C1orf52: variants seen among roughly 807,000 people sequenced by gnomAD.
The protein encoded by C1orf52 is UPF0690 protein C1orf52.
In C1orf52, 5 loss-of-function variants were observed where a neutral mutation model predicts 17.2. That is an observed-to-expected ratio of 0.29 (90% CI 0.15 to 0.61). The LOEUF (loss-of-function observed/expected upper bound fraction) is 0.61. Among genes scored for constraint, C1orf52 ranks in the 20% least tolerant of loss-of-function variants. C1orf52 has a pLI of 0.85. For missense variants in C1orf52, 245 were observed against 234.1 expected, an observed-to-expected ratio of 1.05 and a Z score of -0.30; for synonymous variants, 110 against 88.0, an observed-to-expected ratio of 1.25 and a Z score of -1.40.
intron 2 of C1orf52, among the ~76,000 whole-genome samples, chr1:85,254,087 A>T (rs1446393372): frequency 1.3e-5 from 2 of 152,228 alleles, no homozygotes; most frequent in Non-Finnish European, 2.9e-5. Context: ...AGGAAATATT[A>T]AAATCTTAAG....
chr1:85,258,803 T>C, intron 1 of C1orf52, 81 bp from the exon 2 acceptor site: 1 of 1,426,458 alleles, frequency 7.0e-7, no homozygotes, highest in Non-Finnish European at 9.2e-7. Flanking sequence ...CTCCCTGCCG[T>C]TCGCTTATCG....
intron 1 of C1orf52, 118 bp downstream of exon 1, chr1:85,259,240 G>T: frequency 7.6e-7 from 1 of 1,323,614 alleles, no homozygotes; most frequent in Non-Finnish European, 1.0e-6. Flanking sequence ...GGGGTGGTGC[G>T]GCATCCCGCG....
At chr1:85,255,327 G>A (rs1168618972) in intron 2 of C1orf52, among the ~76,000 whole-genome samples, 2 of 152,068 alleles carry the variant, frequency 1.3e-5, no homozygotes, top group African/African-American at 4.8e-5. Flanking sequence ...TGAAGCGGGC[G>A]GATCACGAGG....
At chr1:85,254,382 G>A (rs1422743694) in intron 2 of C1orf52, among the ~76,000 whole-genome samples, 1 of 149,426 alleles carries the variant, frequency 6.7e-6, no homozygotes, top group African/African-American at 2.5e-5. Flanking sequence ...ACCAAAACAA[G>A]CCAAACGTTT....
chr1:85,258,478 T>A, intron 2 of C1orf52, 46 bp downstream of exon 2: 2 of 1,472,126 alleles, frequency 1.4e-6, no homozygotes, highest in Non-Finnish European at 1.9e-6. Context: ...TTTAAGCCCA[T>A]CACGGGGATC....
rs1010344518 is a variant in C1orf52, at chr1:85,251,432, A to T, written c.*1197T>A. The T allele has an allele frequency of 6.6e-6, 1 of 152,346 alleles. No homozygotes were observed. The highest frequency in any genetic ancestry group is 3.4e-3 in the Middle Eastern group (1 of 294). The allele number at this position is 152,346 out of a possible 1,614,324, so 9.4% of individuals were successfully genotyped here. ...TTCAGATTCATGGAAAGATTGATGCAGAGTGTAACCTTTTTATTGTTCAAA... is the reference window on the plus strand; with the variant it reads ...TTCAGATTCATGGAAAGATTGATGCTGAGTGTAACCTTTTTATTGTTCAAA... On this transcript the variant is annotated 3_prime_UTR_variant, in exon 3 of 3. Transcript: ENST00000471115.
intron 1 of C1orf52, 58 bp from the exon 2 acceptor site, chr1:85,258,780 T>G: frequency 1.3e-6 from 2 of 1,483,318 alleles, no homozygotes; most frequent in South Asian, 2.6e-5. Flanking sequence ...ACGATGGACG[T>G]GGGCACATGC....
intron 2 of C1orf52, among the ~76,000 whole-genome samples, chr1:85,257,660 T>C (rs1474973167): frequency 6.6e-6 from 1 of 152,254 alleles, no homozygotes; most frequent in African/African-American, 2.4e-5. Context: ...CAAAGATTAC[T>C]GTGACAGTCC....
At position 85,252,485 on chromosome 1, in the gene C1orf52, G is replaced by A. The variant is rs890859778; in HGVS notation, c.*144C>T. ...TAAATAAAAAAAGAATTCTATAGTGGAAAGTTCTTGAGGCAATACTTATTA... is the reference window on the plus strand; with the variant it reads ...TAAATAAAAAAAGAATTCTATAGTGAAAAGTTCTTGAGGCAATACTTATTA... On this transcript the variant is annotated 3_prime_UTR_variant, in exon 3 of 3. Transcript: ENST00000471115. The A allele has an allele frequency of 1.4e-5, 9 of 632,584 alleles. No individual in the cohort carries two copies. In the Admixed American group the frequency reaches 2.0e-4, roughly 14 times the overall value. The allele number at this position is 632,584 out of a possible 1,614,324, so 39.2% of individuals were successfully genotyped here.
chr1:85,252,282 C>T lies in C1orf52; in HGVS notation c.*347G>A. On this transcript the variant is annotated 3_prime_UTR_variant, in exon 3 of 3. Coordinates refer to ENST00000471115, the MANE Select transcript of C1orf52 (RefSeq NM_198077.4). ...CACCCTACAAGTTCACAGTACATTACAATATATTTACTTTAAAAATATATT... is the reference window on the plus strand; with the variant it reads ...CACCCTACAAGTTCACAGTACATTATAATATATTTACTTTAAAAATATATT... 4.1e-6 allele frequency: 1 copy of T among 244,838 alleles called. No homozygotes were observed. Among genetic ancestry groups the T allele is most frequent in the South Asian group, 5.7e-5 (1 of 17,618 alleles). 15.2% of individuals were successfully genotyped at this position (244,838 alleles called of 1,614,324 possible).
rs538854505 is a variant in C1orf52 at position 85,258,788 on chromosome 1, T to C, written c.277-66A>G. ...GGTTCCTACGATGGACGTGGGCACA[T>C]GCAACTCCCTGCCGTTCGCTTATCG... On this transcript the variant is annotated intron_variant, in intron 1 of 2. Transcript: ENST00000471115. The C allele has an allele frequency of 1.7e-5, 24 of 1,443,072 alleles. 2 individuals are homozygous for C. In the South Asian group the frequency reaches 2.7e-4, roughly 16 times the overall value. The allele number at this position is 1,443,072 out of a possible 1,614,324, so 89.4% of individuals were successfully genotyped here. A position where few individuals can be genotyped will look rare whatever the true frequency, so the allele number is the denominator to read the frequency against.
intron 2 of C1orf52, among the ~76,000 whole-genome samples, 167 bp downstream of exon 2, chr1:85,258,357 G>A (rs1659998265): frequency 6.6e-6 from 1 of 152,186 alleles, no homozygotes; most frequent in African/African-American, 2.4e-5. Flanking sequence ...TCATGTTAAA[G>A]CCAAATATGT....
chr1:85,259,390 A>G lies in C1orf52; in HGVS notation c.244T>C (p.Trp82Arg). Residue 82 changes from tryptophan (W) to arginine (R), a missense_variant, in exon 1 of 3, where the codon TGG becomes CGG. Physicochemically the swap from Trp to Arg is moderately radical, Grantham distance 101. Coordinates refer to ENST00000471115, the MANE Select transcript of C1orf52 (RefSeq NM_198077.4). ...GGCGCCTTGACGACGTGCCTCTCCC[A>G]GTCTATCTGTTTGTTGAGCGGATTG... ...LYNPLNKQIDWERHVVKAPEE... is the reference protein window; with the variant it reads ...LYNPLNKQIDRERHVVKAPEE... The G allele has an allele frequency of 6.2e-7, 1 of 1,613,690 alleles. No individual in the cohort carries two copies. Among genetic ancestry groups the G allele is most frequent in the Non-Finnish European group, 8.5e-7 (1 of 1,179,748 alleles).
At chr1:85,257,072 T>C (rs1005634000) in intron 2 of C1orf52, among the ~76,000 whole-genome samples, 42 of 152,330 alleles carry the variant, frequency 2.8e-4, no homozygotes, top group Middle Eastern at 3.4e-3. Context: ...GCCCTTGTAT[T>C]GTGGGAAGAT....
At chr1:85,252,747 C>T in intron 2 of C1orf52, 45 bp from the exon 3 acceptor site, 1 of 1,408,686 alleles carries the variant, frequency 7.1e-7, no homozygotes, top group Non-Finnish European at 1.0e-6. Context: ...TTTTAAAAAA[C>T]CCAACATGTT....
Position 85,251,351 on chromosome 1 carries a change from G to A in C1orf52, c.*1278C>T, listed in dbSNP as rs982064165. ...CAAGCATAAGCCACCATGCTTGGCTGTCTTGTTCTTATACACTGAATGTGC... is the reference window on the plus strand; with the variant it reads ...CAAGCATAAGCCACCATGCTTGGCTATCTTGTTCTTATACACTGAATGTGC... On this transcript the variant is annotated 3_prime_UTR_variant, in exon 3 of 3. Coordinates refer to ENST00000471115, the MANE Select transcript of C1orf52 (RefSeq NM_198077.4). 6.6e-6 allele frequency: 1 copy of A among 152,150 alleles called. No homozygotes were observed. The highest frequency in any genetic ancestry group is 1.9e-4 in the East Asian group (1 of 5,186). 9.4% of individuals were successfully genotyped at this position (152,150 alleles called of 1,614,324 possible). A position where few individuals can be genotyped will look rare whatever the true frequency, so the allele number is the denominator to read the frequency against.
chr1:85,255,564 A>C (rs1330933278), intron 2 of C1orf52, among the ~76,000 whole-genome samples: 2 of 144,086 alleles, frequency 1.4e-5, no homozygotes, highest in African/African-American at 2.6e-5. Flanking sequence ...AAAAAAAAAA[A>C]CCCGAAGGGC....
intron 2 of C1orf52, among the ~76,000 whole-genome samples, chr1:85,253,977 G>A (rs952336361): frequency 1.3e-5 from 2 of 152,166 alleles, no homozygotes; most frequent in South Asian, 2.1e-4. Context: ...AAGTTCAACA[G>A]GTTATCATGT....
chr1:85,256,813 A>AG (rs1450510386), intron 2 of C1orf52, among the ~76,000 whole-genome samples: 15 of 148,380 alleles, frequency 1.0e-4, no homozygotes, highest in African/African-American at 1.7e-4. Flanking sequence ...AAAAAAAAAA[A>AG]AAAAAGAAAA....
Sources: gnomAD v4.1 joint callset for allele counts (sites outside exome capture counted in the v4.1 genomes callset) on GRCh38, gnomAD v4.1.1 for gene constraint, MANE v1.5 for transcripts, NCBI Gene and HGNC (gene_info 2026-07-23, HGNC 2026-07-21) for gene names.